Variants in ARSL observed in about 807,000 individuals in gnomAD.
ARSL encodes arylsulfatase L.
Under a neutral mutation model 31.1 loss-of-function variants are expected in ARSL, and 4 were observed. The ratio of observed to expected loss-of-function variants is 0.13; its 90% confidence interval spans 0.06 to 0.29. The LOEUF (loss-of-function observed/expected upper bound fraction) is 0.29. Among genes scored for constraint, ARSL ranks in the 10% least tolerant of loss-of-function variants. ARSL has a pLI of 1.00. For missense variants in ARSL, 312 were observed against 497.8 expected, an observed-to-expected ratio of 0.63 and a Z score of 3.55; for synonymous variants, 198 against 209.9, an observed-to-expected ratio of 0.94 and a Z score of 0.49.
Position 2,946,065 on chromosome X carries a change from C to T in ARSL, c.924G>A (p.Glu308=), listed in dbSNP as rs1443588345. 3 of 1,210,403 alleles carry T rather than the reference C, an allele frequency of 2.5e-6. No individual in the cohort carries two copies. Among genetic ancestry groups the T allele is most frequent in the South Asian group, 1.8e-5 (1 of 56,929 alleles). Residue 308 remains glutamate, a synonymous_variant, in exon 7 of 11, where the codon GAG becomes GAA. Transcript: ENST00000381134. ...LHVHIPLITM[E]NFLGKSLHGL... is the part of the protein sequence containing the mutation. Reference sequence around the variant, plus strand: ...CGTGGAGACTCTTCCCGAGGAAGTTCTCCATAGTGATAAGAGGGATGTGAA... The same window carrying T: ...CGTGGAGACTCTTCCCGAGGAAGTTTTCCATAGTGATAAGAGGGATGTGAA...
At chrX:2,966,612 GA>G (rs1283423080), upstream of ARSL, among the ~76,000 whole-genome samples, 4 of 84,287 alleles carry the variant, frequency 4.7e-5, no homozygotes, top group Admixed American at 1.3e-4. Context: ...CCTATCTCTA[GA>G]AAAAAAAAAC....
rs1207631327 is a variant in ARSL at position 2,934,535 on chromosome X, G to A, written c.*297C>T. The A allele has an allele frequency of 1.9e-5, 5 of 267,869 alleles. No individual in the cohort carries two copies. The East Asian group carries it at 3.0e-4, about 16-fold the overall frequency. 22.1% of individuals were successfully genotyped at this position (267,869 alleles called of 1,213,427 possible). On this transcript the variant is annotated 3_prime_UTR_variant, in exon 11 of 11. Coordinates refer to ENST00000381134, the MANE Select transcript of ARSL (RefSeq NM_000047.3). ...CTGTTGCCCAGGCTGGGGTGCAGTG[G>A]TACAATCATAGCTCAGTACAGCCTC...
In ARSL at chrX:2,963,980, GAGGTGACCC is replaced by G. The variant is rs1448617774; in HGVS notation, c.-21+235_-21+243del. Among the ~76,000 whole-genome samples the G allele has an allele frequency of 2.7e-5, 3 of 111,650 alleles. No homozygotes were observed. In the Admixed American group the frequency reaches 2.9e-4, roughly 11 times the overall value. On this transcript the variant is annotated intron_variant, in intron 1 of 10. Transcript: ENST00000381134. Reference sequence around the variant, plus strand: ...GTTTAATTTTGGAAACTGTGACATTGAGGTGACCCAGAGCATGGGGCCTGCCCAAGGCCT... The same window carrying G: ...GTTTAATTTTGGAAACTGTGACATTGAGAGCATGGGGCCTGCCCAAGGCCT...
Position 2,938,132 on chromosome X carries a change from C to T in ARSL, c.1252G>A (p.Val418Met), listed in dbSNP as rs751548925. 29 of 1,210,441 alleles carry T rather than the reference C, an allele frequency of 2.4e-5. No individual in the cohort carries two copies. The highest frequency in any genetic ancestry group is 1.5e-4 in the Admixed American group (7 of 45,833). ...ACCTCGCCGCCCGCCAGCCGGACCA[C>T]GGTGGGGAACACGTCCATCAGACTC... ...PTSLMDVFPT[V>M]VRLAGGEVPQ... Residue 418 changes from valine to methionine, a missense_variant, in exon 9 of 11, where the codon GTG becomes ATG. Physicochemically the swap from Val to Met is conservative, Grantham distance 21 (BLOSUM62 1). Transcript: ENST00000381134.
intron 7 of ARSL, among the ~76,000 whole-genome samples, chrX:2,944,259 G>C (rs754642954): frequency 1.8e-5 from 2 of 109,174 alleles, no homozygotes; most frequent in East Asian, 2.9e-4. Context: ...TTCGAGACCA[G>C]CCTGGCCAAC....
At chrX:2,947,911 T>C (rs1221841508) in intron 6 of ARSL, among the ~76,000 whole-genome samples, 6 of 112,099 alleles carry the variant, frequency 5.4e-5, no homozygotes, top group African/African-American at 1.6e-4. Context: ...TCACTTGAGG[T>C]CAGGAGTTCA....
chrX:2,941,252 T>A (rs1449947328), intron 8 of ARSL, among the ~76,000 whole-genome samples: 1 of 31,940 alleles, frequency 3.1e-5, no homozygotes, highest in Non-Finnish European at 1.1e-4. Context: ...ACAATCTTTT[T>A]TTTTTTTTTT....
chrX:2,941,247 CTTTTTTTTTTTTTTT>C (rs200569564), intron 8 of ARSL, among the ~76,000 whole-genome samples: 3 of 80,633 alleles, frequency 3.7e-5, no homozygotes, highest in Non-Finnish European at 6.8e-5. Flanking sequence ...TGTCCACAAT[CTTTTTTTTTTTTTTT>C]TTTTTTTTTT....
At position 2,957,353 on chromosome X, in the gene ARSL, C is replaced by T. The variant is rs369224306; in HGVS notation, c.185+921G>A. On this transcript the variant is annotated intron_variant, in intron 3 of 10. Coordinates refer to ENST00000381134, the MANE Select transcript of ARSL (RefSeq NM_000047.3). ...AAAGGGCTGGTATTACAGTCATGCC[C>T]GGCTGATAGCATTTCTAAAGCATTG... Among the ~76,000 whole-genome samples, 25 of 110,827 alleles carry T rather than the reference C, an allele frequency of 2.3e-4. 2 individuals are homozygous for T. In the South Asian group the frequency reaches 3.5e-3, roughly 15 times the overall value.
chrX:2,960,385 G>C lies in ARSL; in HGVS notation c.16C>G (p.His6Asp). 7 of 1,187,361 alleles carry C rather than the reference G, an allele frequency of 5.9e-6. No individual in the cohort carries two copies. In the East Asian group the frequency reaches 1.8e-4, roughly 30 times the overall value. The change falls in exon 2 of 11, where the codon CAT becomes GAT. Residue 6 changes from histidine (H) to aspartate (D), a missense_variant. Physicochemically the swap from His to Asp is moderately conservative, Grantham distance 81 (BLOSUM62 -1). Coordinates refer to ENST00000381134, the MANE Select transcript of ARSL (RefSeq NM_000047.3). MLHLH[H>D]SCLCFRSWLP... Reference sequence around the variant, plus strand: ...CATATAATTGTATCTTACCAAGAATGGTGCAGATGTAACATGTTGTCTCTC... The same window carrying C: ...CATATAATTGTATCTTACCAAGAATCGTGCAGATGTAACATGTTGTCTCTC...
At chrX:2,949,076 G>A (rs976388042) in intron 6 of ARSL, among the ~76,000 whole-genome samples, 8 of 110,180 alleles carry the variant, frequency 7.3e-5, no homozygotes, top group Non-Finnish European at 1.9e-5. Flanking sequence ...GCATGCACCT[G>A]TAAAGCCCCA....
chrX:2,946,035 C>G lies in ARSL; in HGVS notation c.954G>C (p.Leu318=). 1 of 1,211,225 alleles carries G rather than the reference C, an allele frequency of 8.3e-7. No homozygotes were observed. The highest frequency in any genetic ancestry group is 1.1e-6 in the Non-Finnish European group (1 of 895,217). The change falls in exon 7 of 11, where the codon CTG becomes CTC. Residue 318 remains leucine (L), a synonymous_variant. Transcript: ENST00000381134. The stretch of plus-strand genomic sequence containing the variant: ...CCATCTCCTCTACGTTGTCCCCATA[C>G]AGCCCGTGGAGACTCTTCCCGAGGA... ...ENFLGKSLHG[L]YGDNVEEMDW...
intron 2 of ARSL, among the ~76,000 whole-genome samples, chrX:2,958,757 C>A (rs946715490): frequency 3.6e-5 from 4 of 111,317 alleles, no homozygotes; most frequent in Non-Finnish European, 7.5e-5. Context: ...GAGGCTGCAG[C>A]GGGTGGATTG....
chrX:2,968,243 A>G (rs1481100523), upstream of ARSL: 13 of 1,075,557 alleles, frequency 1.2e-5, no homozygotes, highest in South Asian at 1.6e-4. Context: ...ACAGACACGC[A>G]CTGGCTGTCT....
chrX:2,950,329 GA>G (rs1243770778), intron 5 of ARSL, among the ~76,000 whole-genome samples: 6 of 112,069 alleles, frequency 5.4e-5, no homozygotes, highest in African/African-American at 1.9e-4. Flanking sequence ...TCAAATTCAT[GA>G]GTTGAAGCCC....
At chrX:2,937,192 G>A (rs1346640612) in intron 9 of ARSL, among the ~76,000 whole-genome samples, 2 of 111,053 alleles carry the variant, frequency 1.8e-5, no homozygotes, top group Non-Finnish European at 3.8e-5. Context: ...TCAGGAATTC[G>A]GGATCAGCCT....
At chrX:2,941,688 C>T (rs1403939616) in intron 8 of ARSL, among the ~76,000 whole-genome samples, 1 of 112,155 alleles carries the variant, frequency 8.9e-6, no homozygotes, top group East Asian at 2.8e-4. Context: ...AGTTGTCCCA[C>T]CTTTCTGGAC....
upstream of ARSL, among the ~76,000 whole-genome samples, chrX:2,965,387 G>T (rs1032611463): frequency 9.2e-6 from 1 of 109,240 alleles, no homozygotes; most frequent in Non-Finnish European, 1.9e-5. Flanking sequence ...TGTAATCCCA[G>T]CTACTCGGGA....
chrX:2,952,017 A>G (rs978059147), intron 5 of ARSL, among the ~76,000 whole-genome samples: 1 of 111,079 alleles, frequency 9.0e-6, no homozygotes, highest in African/African-American at 3.3e-5. Context: ...GTTGATAACA[A>G]TCATTACTAT....
Sources: allele counts gnomAD v4.1 joint callset (sites outside exome capture counted in the v4.1 genomes callset), GRCh38; gene constraint gnomAD v4.1.1; transcripts MANE v1.5; gene names NCBI Gene and HGNC (gene_info 2026-07-23, HGNC 2026-07-21).